EML5: variants seen among roughly 807,000 people sequenced by gnomAD.
EML5 encodes EMAP like 5, also known as echinoderm microtubule-associated protein-like 5.
EML5 carries 120 observed loss-of-function variants against 250.0 expected under a neutral mutation model. That is an observed-to-expected ratio of 0.48 (90% CI 0.41 to 0.56). EML5 has a LOEUF of 0.56. Among genes scored for constraint, EML5 ranks in the 20% least tolerant of loss-of-function variants. EML5 has a pLI of 0.00. For missense variants in EML5, 2,006 were observed against 2,437.6 expected, an observed-to-expected ratio of 0.82 and a Z score of 3.73; for synonymous variants, 771 against 806.5, an observed-to-expected ratio of 0.96 and a Z score of 0.75.
At chr14:88,717,253 G>GAAAGTATT (rs1382626381) in intron 8 of EML5, among the ~76,000 whole-genome samples, 21 of 152,334 alleles carry the variant, frequency 1.4e-4, no homozygotes, top group African/African-American at 4.8e-4. Context: ...ATGTGAAAGA[G>GAAAGTATT]CTGATGGCAA....
At chr14:88,775,511 G>C (rs1314637987) in intron 1 of EML5, among the ~76,000 whole-genome samples, 1 of 152,224 alleles carries the variant, frequency 6.6e-6, no homozygotes, top group East Asian at 1.9e-4. Context: ...GCAGGCAGTG[G>C]CTGTAGGGAG....
intron 27 of EML5, among the ~76,000 whole-genome samples, chr14:88,656,995 G>C (rs550169647): frequency 6.6e-6 from 1 of 152,156 alleles, no homozygotes; most frequent in East Asian, 1.9e-4. Context: ...TTTTGTTTTT[G>C]TGGGTATTTT....
chr14:88,760,461 A>G (rs760714914), intron 1 of EML5, among the ~76,000 whole-genome samples: 3 of 149,072 alleles, frequency 2.0e-5, no homozygotes, highest in African/African-American at 4.9e-5. Flanking sequence ...TCAAAAATCA[A>G]TTGACCATAT....
At chr14:88,755,859 C>T (rs1271967479) in intron 1 of EML5, among the ~76,000 whole-genome samples, 1 of 151,918 alleles carries the variant, frequency 6.6e-6, no homozygotes, top group African/African-American at 2.4e-5. Flanking sequence ...ATGAGCCAGA[C>T]ATAGCAGCAT....
chr14:88,639,094 G>A (rs1027637380), intron 31 of EML5, among the ~76,000 whole-genome samples, 187 bp from the exon 32 acceptor site: 8 of 152,170 alleles, frequency 5.3e-5, no homozygotes, highest in Admixed American at 1.3e-4. Flanking sequence ...GGATAGAGCC[G>A]TAAAAGGGAT....
At chr14:88,755,650 T>C (rs1361405749) in intron 1 of EML5, among the ~76,000 whole-genome samples, 4 of 152,106 alleles carry the variant, frequency 2.6e-5, no homozygotes, top group African/African-American at 9.7e-5. Flanking sequence ...AAATCACACC[T>C]GGCATCACGG....
chr14:88,763,160 C>T (rs1209154133), intron 1 of EML5, among the ~76,000 whole-genome samples: 4 of 152,042 alleles, frequency 2.6e-5, no homozygotes, highest in Non-Finnish European at 5.9e-5. Context: ...ACTAAGATCA[C>T]AGCAGAACTG....
In EML5 at chr14:88,744,023, C is replaced by T; in HGVS notation, c.525G>A (p.Lys175=). 1 of 1,556,954 alleles carries T rather than the reference C, an allele frequency of 6.4e-7. No homozygotes were observed. The highest frequency in any genetic ancestry group is 1.4e-5 in the African/African-American group (1 of 74,000). Residue 175 remains lysine (K), a splice_region_variant and synonymous_variant, in exon 4 of 44, where the codon AAG becomes AAA. Transcript: ENST00000554922. Reference sequence around the variant, plus strand: ...TTATAAAACAAGACCCTTCTAGTACCTTGATATGTTTTACACCACAGCTGA... The same window carrying T: ...TTATAAAACAAGACCCTTCTAGTACTTTGATATGTTTTACACCACAGCTGA... ...KLVSCGVKHI[K]FWSLCGNALT... is the part of the protein sequence containing the mutation.
intron 6 of EML5, among the ~76,000 whole-genome samples, chr14:88,737,775 C>G (rs185240974): frequency 1.3e-5 from 2 of 152,146 alleles, no homozygotes; most frequent in African/African-American, 2.4e-5. Flanking sequence ...CTTCCTTCTC[C>G]CTTGTAGACA....
At chr14:88,637,894 CT>C (rs2090830542) in intron 32 of EML5, among the ~76,000 whole-genome samples, 1 of 152,030 alleles carries the variant, frequency 6.6e-6, no homozygotes, top group Non-Finnish European at 1.5e-5. Flanking sequence ...GTTCCATTTA[CT>C]TTTAAAAGTA....
chr14:88,669,438 G>C (rs1404104059), intron 21 of EML5, among the ~76,000 whole-genome samples: 1 of 152,198 alleles, frequency 6.6e-6, no homozygotes, highest in East Asian at 1.9e-4. Context: ...GACCCAGGAG[G>C]AATTCACCAC....
At chr14:88,652,128 T>C (rs1044505039) in intron 27 of EML5, among the ~76,000 whole-genome samples, 3 of 152,180 alleles carry the variant, frequency 2.0e-5, no homozygotes, top group Non-Finnish European at 4.4e-5. Flanking sequence ...TCTGTACAAG[T>C]ACTTAGATTA....
At position 88,657,280 on chromosome 14, in the gene EML5, T is replaced by C. The variant is rs921802060; in HGVS notation, c.4004+96A>G. The C allele has an allele frequency of 1.6e-5, 19 of 1,201,982 alleles. No homozygotes were observed. In the African/African-American group the frequency reaches 2.0e-4, roughly 13 times the overall value. 74.5% of individuals were successfully genotyped at this position (1,201,982 alleles called of 1,614,324 possible). A position where few individuals can be genotyped will look rare whatever the true frequency, so the allele number is the denominator to read the frequency against. ...GAATTGTCTATAGCAAGAATATCACTGTTACTTAGTTTGTGTAAAAAAGCC... is the reference window on the plus strand; with the variant it reads ...GAATTGTCTATAGCAAGAATATCACCGTTACTTAGTTTGTGTAAAAAAGCC... On this transcript the variant is annotated intron_variant, in intron 27 of 43. Coordinates refer to ENST00000554922, the MANE Select transcript of EML5 (RefSeq NM_183387.3).
At chr14:88,649,004 A>G (rs1473354722) in intron 28 of EML5, among the ~76,000 whole-genome samples, 2 of 151,892 alleles carry the variant, frequency 1.3e-5, no homozygotes, top group Non-Finnish European at 2.9e-5. Context: ...CTTATCTCCC[A>G]GCATTTTCCT....
chr14:88,692,367 ACT>A (rs2092980317), intron 17 of EML5, among the ~76,000 whole-genome samples: 1 of 152,026 alleles, frequency 6.6e-6, no homozygotes. Flanking sequence ...ACAGAGCGAG[ACT>A]CTGTTTCAAA....
rs1476317686 is a variant in EML5, at chr14:88,661,653, C to T, written c.3675+1G>A. 1 of 1,610,724 alleles carries T rather than the reference C, an allele frequency of 6.2e-7. No homozygotes were observed. Among genetic ancestry groups the T allele is most frequent in the Non-Finnish European group, 8.5e-7 (1 of 1,178,460 alleles). ...TAGGAAAGTTAAAGAAAAACACATACTTTAGTAGGATATCTAAATAACTTC... is the reference window on the plus strand; with the variant it reads ...TAGGAAAGTTAAAGAAAAACACATATTTTAGTAGGATATCTAAATAACTTC... On this transcript the variant is annotated splice_donor_variant, in intron 25 of 43. Coordinates refer to ENST00000554922, the MANE Select transcript of EML5 (RefSeq NM_183387.3). LOFTEE classifies it high-confidence loss of function.
At chr14:88,642,787 T>G in intron 31 of EML5, 106 bp downstream of exon 31, 2 of 1,076,814 alleles carry the variant, frequency 1.9e-6, no homozygotes, top group East Asian at 5.6e-5. Flanking sequence ...GTGTTTCTCC[T>G]ACATTTCAAT....
chr14:88,722,618 G>C (rs1296390153), intron 8 of EML5, among the ~76,000 whole-genome samples: 1 of 152,092 alleles, frequency 6.6e-6, no homozygotes, highest in Non-Finnish European at 1.5e-5. Context: ...TTTGGGGGTG[G>C]GGTGAGGGGA....
chr14:88,757,363 C>T (rs892742376), intron 1 of EML5, among the ~76,000 whole-genome samples: 2 of 152,012 alleles, frequency 1.3e-5, no homozygotes, highest in African/African-American at 4.8e-5. Context: ...ATTGTTAAAA[C>T]TCTTGGAAGA....
Sources: gnomAD v4.1 joint callset for allele counts (sites outside exome capture counted in the v4.1 genomes callset) on GRCh38, gnomAD v4.1.1 for gene constraint, MANE v1.5 for transcripts, NCBI Gene and HGNC (gene_info 2026-07-23, HGNC 2026-07-21) for gene names.